PTPN4: variants seen among roughly 807,000 people sequenced by gnomAD.
PTPN4 encodes the protein tyrosine-protein phosphatase non-receptor type 4.
PTPN4 carries 49 observed loss-of-function variants against 135.5 expected under a neutral mutation model. The ratio of observed to expected loss-of-function variants is 0.36; its 90% CI spans 0.29 to 0.46. The LOEUF (loss-of-function observed/expected upper bound fraction) is 0.46. Among genes scored for constraint, PTPN4 ranks in the 20% least tolerant of loss-of-function variants. The pLI, the probability that PTPN4 is intolerant of heterozygous loss-of-function variation, is 1.00. For synonymous variants in PTPN4, 333 were observed against 369.9 expected, an observed-to-expected ratio of 0.90 and a Z score of 1.14; for missense variants, 860 against 1,101.0, an observed-to-expected ratio of 0.78 and a Z score of 3.10.
intron 22 of PTPN4, among the ~76,000 whole-genome samples, chr2:119,959,062 A>G (rs1679328559): frequency 6.6e-6 from 1 of 152,154 alleles, no homozygotes; most frequent in Admixed American, 6.5e-5. Context: ...CTCACCTGGA[A>G]ATGTGCATGT....
At chr2:119,904,683 G>A (rs553953817) in intron 10 of PTPN4, among the ~76,000 whole-genome samples, 7 of 152,288 alleles carry the variant, frequency 4.6e-5, no homozygotes, top group Admixed American at 3.9e-4. Context: ...ATCTCCATCA[G>A]ACCAATGGCA....
At chr2:119,854,486 G>A (rs181131149) in intron 2 of PTPN4, among the ~76,000 whole-genome samples, 50 of 152,262 alleles carry the variant, frequency 3.3e-4, no homozygotes, top group African/African-American at 1.2e-3. Context: ...CTGTTAGAGA[G>A]TTTTGGGTGA....
intron 9 of PTPN4, among the ~76,000 whole-genome samples, chr2:119,891,618 G>C (rs907158577): frequency 3.3e-5 from 5 of 152,010 alleles, no homozygotes; most frequent in African/African-American, 1.2e-4. Flanking sequence ...AACAGCTTCA[G>C]AATTTTTATT....
Position 119,780,768 on chromosome 2 carries a change from G to T in PTPN4, c.-18+20384G>T, listed in dbSNP as rs144728604. 3.3e-3 allele frequency among the ~76,000 whole-genome samples: 498 copies of T among 152,262 alleles called. 2 individuals are homozygous for T. The highest frequency in any genetic ancestry group is 0.011 in the African/African-American group (471 of 41,546). On this transcript the variant is annotated intron_variant, in intron 1 of 26. Coordinates refer to ENST00000263708, the MANE Select transcript of PTPN4 (RefSeq NM_002830.4). ...ATATGACAGATTTCTCCATTGTAAAGATATCGTTTCCCCTTTGTAATTAAT... is the reference window on the plus strand; with the variant it reads ...ATATGACAGATTTCTCCATTGTAAATATATCGTTTCCCCTTTGTAATTAAT...
At chr2:119,900,685 G>C in intron 9 of PTPN4, 33 bp from the exon 10 acceptor site, 1 of 1,298,048 alleles carries the variant, frequency 7.7e-7, no homozygotes, top group Non-Finnish European at 1.1e-6. Flanking sequence ...CATAAATTTA[G>C]ATTTATCATG....
chr2:119,974,161 A>C (rs1679579740), intron 26 of PTPN4, among the ~76,000 whole-genome samples: 1 of 152,218 alleles, frequency 6.6e-6, no homozygotes, highest in South Asian at 2.1e-4. Context: ...TCAAGGATTT[A>C]AACATAGTTG....
At chr2:119,803,614 T>G (rs1691413230) in intron 1 of PTPN4, among the ~76,000 whole-genome samples, 1 of 152,206 alleles carries the variant, frequency 6.6e-6, no homozygotes. Context: ...CAGTGGATGT[T>G]TAAAAATAAT....
At chr2:119,788,701 A>G (rs185464254) in intron 1 of PTPN4, among the ~76,000 whole-genome samples, 1 of 152,192 alleles carries the variant, frequency 6.6e-6, no homozygotes, top group African/African-American at 2.4e-5. Context: ...TGACTGGCGT[A>G]TTTGACTTAG....
chr2:119,823,327 C>T (rs1252150922), intron 2 of PTPN4, among the ~76,000 whole-genome samples: 3 of 151,882 alleles, frequency 2.0e-5, no homozygotes, highest in Non-Finnish European at 4.4e-5. Flanking sequence ...CTCCGCCTCC[C>T]GGATTCACGC....
intron 12 of PTPN4, among the ~76,000 whole-genome samples, chr2:119,926,248 T>C (rs1678822543): frequency 6.6e-6 from 1 of 152,198 alleles, no homozygotes; most frequent in African/African-American, 2.4e-5. Context: ...AGTTTCTCTC[T>C]ATCAACAATT....
chr2:119,813,767 A>T (rs2104950883), intron 2 of PTPN4, among the ~76,000 whole-genome samples: 1 of 152,308 alleles, frequency 6.6e-6, no homozygotes, highest in African/African-American at 2.4e-5. Flanking sequence ...CTTACTGGGA[A>T]AATACAGTCT....
At chr2:119,823,359 C>T (rs894146295) in intron 2 of PTPN4, among the ~76,000 whole-genome samples, 1 of 151,936 alleles carries the variant, frequency 6.6e-6, no homozygotes, top group Non-Finnish European at 1.5e-5. Flanking sequence ...CTCAGCCTCC[C>T]GAGTAGCTGG....
Position 119,979,995 on chromosome 2 carries a change from C to CA in PTPN4, c.*2926dup, listed in dbSNP as rs2105071425. On this transcript the variant is annotated 3_prime_UTR_variant, in exon 27 of 27. Transcript: ENST00000263708. ...TGAGGAGTATTTGGAATAGACTTTA[C>CA]ATTCACCAGAAAATTGATAGTATTT... The CA allele has an allele frequency of 6.6e-6, 1 of 152,196 alleles. No individual in the cohort carries two copies. Among genetic ancestry groups the CA allele is most frequent in the East Asian group, 1.9e-4 (1 of 5,184 alleles). 9.4% of individuals were successfully genotyped at this position (152,196 alleles called of 1,614,324 possible).
intron 8 of PTPN4, among the ~76,000 whole-genome samples, chr2:119,883,922 C>A (rs11886986): frequency 6.6e-6 from 1 of 152,128 alleles, no homozygotes; most frequent in Non-Finnish European, 1.5e-5. Context: ...GCCATTGAAA[C>A]GGAGTCTCGC....
chr2:119,810,094 CTT>C, intron 2 of PTPN4, 103 bp downstream of exon 2: 1 of 1,316,850 alleles, frequency 7.6e-7, no homozygotes, highest in Non-Finnish European at 1.0e-6. Context: ...TTTGAAAAGT[CTT>C]ATTCAAGTAA....
intron 1 of PTPN4, among the ~76,000 whole-genome samples, chr2:119,806,443 C>T (rs1248974544): frequency 6.6e-6 from 1 of 152,118 alleles, no homozygotes; most frequent in Non-Finnish European, 1.5e-5. Flanking sequence ...TCTGATAAAA[C>T]AGAGTTTAAA....
At chr2:119,869,560 T>C (rs1470568752) in intron 3 of PTPN4, among the ~76,000 whole-genome samples, 1 of 152,178 alleles carries the variant, frequency 6.6e-6, no homozygotes, top group Non-Finnish European at 1.5e-5. Context: ...TCCTCAATTT[T>C]CTGTTTTTCC....
At chr2:119,813,517 G>C (rs1355213484) in intron 2 of PTPN4, among the ~76,000 whole-genome samples, 1 of 151,830 alleles carries the variant, frequency 6.6e-6, no homozygotes, top group Non-Finnish European at 1.5e-5. Flanking sequence ...AAAGTGCTAG[G>C]ATTACAGGCA....
At chr2:119,964,220 T>G (rs1679413700) in intron 24 of PTPN4, among the ~76,000 whole-genome samples, 1 of 152,218 alleles carries the variant, frequency 6.6e-6, no homozygotes, top group South Asian at 2.1e-4. Flanking sequence ...GGTCCTCTCA[T>G]GGAGTCTTTT....
Sources: allele counts gnomAD v4.1 joint callset (sites outside exome capture counted in the v4.1 genomes callset), GRCh38; gene constraint gnomAD v4.1.1; transcripts MANE v1.5; gene names NCBI Gene and HGNC (gene_info 2026-07-23, HGNC 2026-07-21).